GEMIN7: variants seen among roughly 807,000 people sequenced by gnomAD.
The protein encoded by GEMIN7 is gem-associated protein 7.
GEMIN7 carries 7 observed loss-of-function variants against 7.8 expected under a neutral mutation model. The ratio of observed to expected loss-of-function variants is 0.90; its 90% CI spans 0.51 to 1.69. GEMIN7 has a LOEUF of 1.69. GEMIN7 is among the 40% of genes most tolerant of loss of function. The pLI, the probability that GEMIN7 is intolerant of heterozygous loss-of-function variation, is 0.00. For missense variants in GEMIN7, 159 were observed against 176.2 expected, an observed-to-expected ratio of 0.90 and a Z score of 0.55; for synonymous variants, 68 against 72.4, an observed-to-expected ratio of 0.94 and a Z score of 0.31.
At chr19:45,087,557 C>T (rs1967736718) in intron 2 of GEMIN7, among the ~76,000 whole-genome samples, 1 of 152,130 alleles carries the variant, frequency 6.6e-6, no homozygotes, top group Non-Finnish European at 1.5e-5. Flanking sequence ...GAGATACAGG[C>T]AGATACAGGG....
At chr19:45,075,758 GCTT>G (rs1292731163), upstream of GEMIN7, 1 of 1,614,048 alleles carries the variant, frequency 6.2e-7, no homozygotes, top group East Asian at 2.2e-5. Flanking sequence ...TGACAGCCCA[GCTT>G]CTTGTGGTCC....
upstream of GEMIN7, among the ~76,000 whole-genome samples, chr19:45,077,526 C>A (rs551765614): frequency 2.6e-5 from 4 of 152,184 alleles, no homozygotes; most frequent in East Asian, 3.9e-4. Context: ...TCCTCTCCCC[C>A]ACCCAATGCA....
intron 2 of GEMIN7, among the ~76,000 whole-genome samples, chr19:45,080,374 ATTTTT>A (rs765472967): frequency 7.4e-6 from 1 of 134,884 alleles, no homozygotes; most frequent in Non-Finnish European, 1.6e-5. Flanking sequence ...CAAGGAAATG[ATTTTT>A]TTTTTTTTTT....
chr19:45,080,765 GTTT>G (rs57306662), intron 2 of GEMIN7, among the ~76,000 whole-genome samples: 1 of 135,652 alleles, frequency 7.4e-6, no homozygotes, highest in Non-Finnish European at 1.5e-5. Flanking sequence ...CTTGTTTTTT[GTTT>G]TTTTTTTTTT....
At chr19:45,076,380 C>T (rs750464202), upstream of GEMIN7, 3 of 1,298,888 alleles carry the variant, frequency 2.3e-6, no homozygotes, top group East Asian at 8.6e-5. The surrounding 1 kb of genome is among the most constrained non-coding windows in gnomAD (Gnocchi z 4.9). Flanking sequence ...ACATGAGTCG[C>T]GGGCCGGGCG....
chr19:45,085,833 G>A (rs955729173), intron 2 of GEMIN7, among the ~76,000 whole-genome samples: 5 of 148,248 alleles, frequency 3.4e-5, no homozygotes, highest in African/African-American at 5.0e-5. Flanking sequence ...TGTAGTCGCA[G>A]CTTCTCGGGA....
At chr19:45,086,089 G>A (rs934635893) in intron 2 of GEMIN7, among the ~76,000 whole-genome samples, 2 of 151,376 alleles carry the variant, frequency 1.3e-5, no homozygotes, top group Admixed American at 6.6e-5. Context: ...GGATGGTCTC[G>A]ATCTCCTGAC....
At position 45,090,370 on chromosome 19, in the gene GEMIN7, G is replaced by C; in HGVS notation, c.256G>C (p.Val86Leu). 1.9e-6 allele frequency: 3 copies of C among 1,614,184 alleles called. No homozygotes were observed. Among genetic ancestry groups the C allele is most frequent in the Non-Finnish European group, 2.5e-6 (3 of 1,180,050 alleles). Reference sequence around the variant, plus strand: ...GGTGAGCTTCACGTTGCACGAGGGTGTGCGTGTGGCCGCCCACTTTGGAGC... The same window carrying C: ...GGTGAGCTTCACGTTGCACGAGGGTCTGCGTGTGGCCGCCCACTTTGGAGC... Reference protein sequence around the residue: ...HQVSFTLHEGVRVAAHFGATD... With the variant: ...HQVSFTLHEGLRVAAHFGATD... The change falls in exon 3 of 3, where the codon GTG becomes CTG. Residue 86 changes from valine (V) to leucine (L), a missense_variant. Val to Leu is a conservative substitution (Grantham distance 32, BLOSUM62 1). Transcript: ENST00000270257.
intron 2 of GEMIN7, among the ~76,000 whole-genome samples, chr19:45,089,490 T>C (rs995196752): frequency 4.6e-5 from 7 of 152,106 alleles, no homozygotes; most frequent in Non-Finnish European, 8.8e-5. Flanking sequence ...ATCTAGAAGA[T>C]AGAATTTCCT....
chr19:45,086,591 G>C (rs1967697118), intron 2 of GEMIN7, among the ~76,000 whole-genome samples: 1 of 152,182 alleles, frequency 6.6e-6, no homozygotes, highest in African/African-American at 2.4e-5. Flanking sequence ...CTGTTTTACA[G>C]ATGGGGAAAC....
chr19:45,087,533 T>C (rs1483608661), intron 2 of GEMIN7, among the ~76,000 whole-genome samples: 2 of 151,958 alleles, frequency 1.3e-5, no homozygotes, highest in Non-Finnish European at 2.9e-5. Context: ...ACCTTGAAAC[T>C]CACGGAGGGA....
At chr19:45,080,765 GT>G (rs57306662) in intron 2 of GEMIN7, among the ~76,000 whole-genome samples, 12,206 of 135,540 alleles carry the variant, frequency 0.09, 698 homozygotes, top group Non-Finnish European at 0.13. Context: ...CTTGTTTTTT[GT>G]TTTTTTTTTT....
Position 45,090,167 on chromosome 19 carries a change from C to T in GEMIN7, c.53C>T (p.Pro18Leu), listed in dbSNP as rs775120908. The T allele has an allele frequency of 6.2e-7, 1 of 1,614,128 alleles. No homozygotes were observed. The highest frequency in any genetic ancestry group is 1.1e-5 in the South Asian group (1 of 91,090). The change falls in exon 3 of 3, where the codon CCT becomes CTT. Residue 18 changes from proline to leucine, a missense_variant. Transcript: ENST00000270257. ...PVPVLRLPRGPDGFSRGFAPD... is the reference protein window; with the variant it reads ...PVPVLRLPRGLDGFSRGFAPD... ...CCTGTGCTCCGGCTGCCCCGGGGCCCTGATGGCTTCAGCCGTGGCTTTGCC... is the reference window on the plus strand; with the variant it reads ...CCTGTGCTCCGGCTGCCCCGGGGCCTTGATGGCTTCAGCCGTGGCTTTGCC...
chr19:45,076,078 G>T, upstream of GEMIN7: 1 of 1,582,890 alleles, frequency 6.3e-7, no homozygotes, highest in Non-Finnish European at 8.5e-7. This position sits in a 1 kb window ranked among gnomAD's most constrained non-coding sequence, Gnocchi z 4.9. Flanking sequence ...GTGCTCACCG[G>T]GATAGTTCGG....
chr19:45,080,765 G>GTT (rs57306662), intron 2 of GEMIN7, among the ~76,000 whole-genome samples: 76 of 135,650 alleles, frequency 5.6e-4, no homozygotes, highest in Non-Finnish European at 7.1e-4. Context: ...CTTGTTTTTT[G>GTT]TTTTTTTTTT....
chr19:45,090,384 C>T lies in GEMIN7; in HGVS notation c.270C>T (p.Ala90=). 1 of 1,614,138 alleles carries T rather than the reference C, an allele frequency of 6.2e-7. No homozygotes were observed. The highest frequency in any genetic ancestry group is 1.1e-5 in the South Asian group (1 of 91,086). The part of the protein sequence containing the change: ...FTLHEGVRVA[A]HFGATDLDVA... Reference sequence around the variant, plus strand: ...TGCACGAGGGTGTGCGTGTGGCCGCCCACTTTGGAGCCACCGACCTGGATG... The same window carrying T: ...TGCACGAGGGTGTGCGTGTGGCCGCTCACTTTGGAGCCACCGACCTGGATG... Residue 90 remains alanine, a synonymous_variant, in exon 3 of 3, where the codon GCC becomes GCT. Transcript: ENST00000270257.
chr19:45,080,745 C>T (rs1391211745), intron 2 of GEMIN7, among the ~76,000 whole-genome samples: 3 of 148,216 alleles, frequency 2.0e-5, no homozygotes, highest in Non-Finnish European at 4.4e-5. Flanking sequence ...ATCAATATGA[C>T]CAAATCTCCC....
upstream of GEMIN7, chr19:45,075,719 C>T (rs764219904): frequency 1.2e-6 from 2 of 1,613,962 alleles, no homozygotes; most frequent in East Asian, 2.2e-5. Flanking sequence ...TCACCTGAGC[C>T]CTGGCCGCGG....
At chr19:45,079,612 C>T (rs1022788448) in intron 1 of GEMIN7, among the ~76,000 whole-genome samples, 6 of 152,218 alleles carry the variant, frequency 3.9e-5, no homozygotes, top group African/African-American at 1.4e-4. Flanking sequence ...CAGTCTGAGC[C>T]TGGAGGTGGG....
Sources: allele counts gnomAD v4.1 joint callset (sites outside exome capture counted in the v4.1 genomes callset), GRCh38; gene constraint gnomAD v4.1.1; non-coding constraint Gnocchi (gnomAD v3.1); transcripts MANE v1.5; gene names NCBI Gene and HGNC (gene_info 2026-07-23, HGNC 2026-07-21).